Variants in GLYATL1 observed in about 807,000 individuals in gnomAD.
GLYATL1 encodes the protein glycine-N-acyltransferase like 1, also known as glycine N-acyltransferase-like protein 1.
In GLYATL1, 15 loss-of-function variants were observed where a neutral mutation model predicts 20.0. The ratio of observed to expected loss-of-function variants is 0.75; its 90% CI spans 0.50 to 1.15. The LOEUF (loss-of-function observed/expected upper bound fraction) is 1.15, where lower values mean the gene tolerates loss of function less well. Ranked by LOEUF, GLYATL1 falls within the 50% of genes most tolerant of loss-of-function variation. GLYATL1 has a pLI of 0.00. For missense variants in GLYATL1, 380 were observed against 368.5 expected, an observed-to-expected ratio of 1.03 and a Z score of -0.26; for synonymous variants, 151 against 131.5, an observed-to-expected ratio of 1.15 and a Z score of -1.01.
At chr11:58,941,907 TCA>T (rs1228732837) in intron 1 of GLYATL1, among the ~76,000 whole-genome samples, 3 of 152,192 alleles carry the variant, frequency 2.0e-5, no homozygotes, top group Non-Finnish European at 2.9e-5. Context: ...AGGAGCATCC[TCA>T]TTTGTTATTG....
chr11:58,938,292 TA>T (rs1295392105), upstream of GLYATL1, among the ~76,000 whole-genome samples: 2 of 152,156 alleles, frequency 1.3e-5, no homozygotes, highest in Non-Finnish European at 2.9e-5. Context: ...GGGCCATGCC[TA>T]AATGGTATCC....
chr11:58,915,278 C>T (rs1486619313), intron 1 of GLYATL1, among the ~76,000 whole-genome samples: 1 of 152,208 alleles, frequency 6.6e-6, no homozygotes, highest in Non-Finnish European at 1.5e-5. Context: ...TAGACAGTCT[C>T]CTCCTGGTGA....
intron 3 of GLYATL1, chr11:58,947,424 C>T: frequency 1.9e-6 from 1 of 531,300 alleles, no homozygotes; most frequent in Non-Finnish European, 3.3e-6. Flanking sequence ...TGGAGCCTGT[C>T]TGAATGGATA....
downstream of GLYATL1, among the ~76,000 whole-genome samples, chr11:58,909,820 G>T (rs1854995403): frequency 6.6e-6 from 1 of 152,128 alleles, no homozygotes; most frequent in African/African-American, 2.4e-5. Context: ...CAATAAAATG[G>T]ATTCATTTGT....
At chr11:58,905,636 G>A in exon 1 of GLYATL1, 1 of 456,184 alleles carries the variant, frequency 2.2e-6, no homozygotes, top group Non-Finnish European at 4.4e-6. Context: ...GGAAGAAGCA[G>A]GGCAGTGACT....
chr11:58,955,349 G>T lies in GLYATL1; in HGVS notation c.487G>T (p.Glu163Ter), dbSNP rs1857319157. The T allele has an allele frequency of 6.2e-7, 1 of 1,611,792 alleles. No individual in the cohort carries two copies. Among genetic ancestry groups the T allele is most frequent in the Non-Finnish European group, 8.5e-7 (1 of 1,179,200 alleles). The change falls in exon 6 of 7, where the codon GAA becomes TAA. Residue 163 changes from glutamate to a stop codon, truncating the protein, a stop_gained. Coordinates refer to ENST00000532726, the MANE Select transcript of GLYATL1 (RefSeq NM_001389712.2). LOFTEE classifies it low-confidence loss of function (END_TRUNC). ...GACAGGCCACCCAGATGATGAATTTGAAAGGTACAAAAACATGTGCTGATC... is the reference window on the plus strand; with the variant it reads ...GACAGGCCACCCAGATGATGAATTTTAAAGGTACAAAAACATGTGCTGATC... ...AETGHPDDEF[E>*]SETPNFKYAQ...
chr11:58,943,665 A>C lies in GLYATL1; in HGVS notation c.-44A>C, dbSNP rs1054872752. 1 of 1,612,686 alleles carries C rather than the reference A, an allele frequency of 6.2e-7. No homozygotes were observed. The highest frequency in any genetic ancestry group is 1.3e-5 in the African/African-American group (1 of 74,976). On this transcript the variant is annotated splice_region_variant and 5_prime_UTR_variant, in exon 2 of 7. Coordinates refer to ENST00000532726, the MANE Select transcript of GLYATL1 (RefSeq NM_001389712.2). Reference sequence around the variant, plus strand: ...ATCTCTCAGAGTGGCTGAGGATAATAGGTAAGCTCCCTCTCGCATTTTGGA... The same window carrying C: ...ATCTCTCAGAGTGGCTGAGGATAATCGGTAAGCTCCCTCTCGCATTTTGGA...
Position 58,920,745 on chromosome 11 carries a change from C to T in GLYATL1, n.264+15084C>T, listed in dbSNP as rs185522533. Among the ~76,000 whole-genome samples, 312 of 152,276 alleles carry T rather than the reference C, an allele frequency of 2.0e-3. 1 individual carries two copies. Among genetic ancestry groups the T allele is most frequent in the African/African-American group, 7.1e-3 (293 of 41,558 alleles). Reference sequence around the variant, plus strand: ...ATCGAGTCATTTTTGGATGTGATAACCTAAGGTGTCCCCTTTGGTCCATCA... The same window carrying T: ...ATCGAGTCATTTTTGGATGTGATAATCTAAGGTGTCCCCTTTGGTCCATCA... On this transcript the variant is annotated intron_variant and non_coding_transcript_variant, in intron 1 of 2. Coordinates refer to the GLYATL1 transcript ENST00000534674.
intron 1 of GLYATL1, chr11:58,917,259 G>A (rs1460669023): frequency 6.6e-6 from 1 of 152,158 alleles, no homozygotes; most frequent in Non-Finnish European, 1.5e-5. Flanking sequence ...GACTCCCCTG[G>A]GGCTCTGCAA....
chr11:58,905,747 T>TGGG lies in GLYATL1; in HGVS notation n.238+87_238+89dup. 3.8e-4 allele frequency: 2 copies of TGGG among 5,290 alleles called. 1 individual carries two copies. The highest frequency in any genetic ancestry group is 7.3e-4 in the Non-Finnish European group (2 of 2,738). The allele number at this position is 5,290 out of a possible 1,614,324, so 0.3% of individuals were successfully genotyped here. A position where few individuals can be genotyped will look rare whatever the true frequency, so the allele number is the denominator to read the frequency against. ...GGGTCATCTGGACAAATAGGGAGGGTGGGCGGGTGGGCGCGCAGTCCCCTC... is the reference window on the plus strand; with the variant it reads ...GGGTCATCTGGACAAATAGGGAGGGTGGGGGGCGGGTGGGCGCGCAGTCCCCTC... On this transcript the variant is annotated intron_variant and non_coding_transcript_variant, in intron 1 of 1. Transcript: ENST00000524629.
chr11:58,923,993 G>C (rs1855367275), upstream of GLYATL1, among the ~76,000 whole-genome samples: 1 of 152,006 alleles, frequency 6.6e-6, no homozygotes, highest in Admixed American at 6.6e-5. Context: ...GATGGCATTA[G>C]CTGTGGGGTC....
downstream of GLYATL1, among the ~76,000 whole-genome samples, chr11:58,910,866 C>T (rs1007852645): frequency 6.6e-6 from 1 of 152,112 alleles, no homozygotes; most frequent in African/African-American, 2.4e-5. Context: ...TGGCTTATGA[C>T]AAACACCTAC....
At chr11:58,947,648 CA>C in intron 3 of GLYATL1, 2 of 566,388 alleles carry the variant, frequency 3.5e-6, no homozygotes, top group South Asian at 4.2e-5. Flanking sequence ...TTTGGTATCA[CA>C]AGGACAGTCC....
chr11:58,915,911 G>C (rs1212108581), intron 1 of GLYATL1, among the ~76,000 whole-genome samples: 4 of 118,568 alleles, frequency 3.4e-5, no homozygotes, highest in Non-Finnish European at 7.2e-5. Flanking sequence ...TCTCACTCTA[G>C]AGGGAAACGA....
intron 1 of GLYATL1, among the ~76,000 whole-genome samples, chr11:58,922,388 A>G (rs1855330398): frequency 6.6e-6 from 1 of 152,188 alleles, no homozygotes. Flanking sequence ...AAACTGGTAA[A>G]TGAAGGTTTG....
chr11:58,943,788 G>C, intron 2 of GLYATL1, 122 bp downstream of exon 2: 1 of 1,401,970 alleles, frequency 7.1e-7, no homozygotes, highest in Non-Finnish European at 9.5e-7. Context: ...ACTGGGTCTA[G>C]GAACAGATTT....
chr11:58,935,335 A>G (rs1855783681), upstream of GLYATL1: 1 of 152,224 alleles, frequency 6.6e-6, no homozygotes, highest in Non-Finnish European at 1.5e-5. Flanking sequence ...AGTCCAAGGC[A>G]AAGTTCAGTG....
intron 1 of GLYATL1, among the ~76,000 whole-genome samples, chr11:58,943,063 G>A (rs780601578): frequency 2.0e-5 from 3 of 152,148 alleles, no homozygotes; most frequent in Non-Finnish European, 4.4e-5. Context: ...GAGGGGGATT[G>A]GAGATAGCAT....
chr11:58,914,310 C>T (rs1855117393), intron 1 of GLYATL1, among the ~76,000 whole-genome samples: 1 of 152,182 alleles, frequency 6.6e-6, no homozygotes, highest in East Asian at 1.9e-4. Flanking sequence ...AGTTTTTAGT[C>T]TCCCATGCAA....
Sources: allele counts gnomAD v4.1 joint callset (sites outside exome capture counted in the v4.1 genomes callset), GRCh38; gene constraint gnomAD v4.1.1; transcripts MANE v1.5; gene names NCBI Gene and HGNC (gene_info 2026-07-23, HGNC 2026-07-21).